Variants in ITGAM observed in about 807,000 individuals in gnomAD.
ITGAM encodes integrin subunit alpha M.
A neutral mutation model predicts 137.5 loss-of-function variants in ITGAM; 79 were observed. The ratio of observed to expected loss-of-function variants is 0.57; its 90% CI spans 0.48 to 0.69. ITGAM has a LOEUF of 0.69. ITGAM is among the 30% of genes least tolerant of loss of function. The pLI is 0.00. For missense variants in ITGAM, 1,343 were observed against 1,483.5 expected (o/e 0.91, Z 1.56); for synonymous variants, 583 against 592.3 (o/e 0.98, Z 0.23).
rs2079832523 is a variant in ITGAM, at chr16:31,270,949, C to T, written c.428-5C>T. The T allele has an allele frequency of 1.3e-6, 2 of 1,501,484 alleles. No homozygotes were observed. Among genetic ancestry groups the T allele is most frequent in the Non-Finnish European group, 1.8e-6 (2 of 1,114,848 alleles). The allele number at this position is 1,501,484 out of a possible 1,614,324, so 93.0% of individuals were successfully genotyped here. On this transcript the variant is annotated splice_region_variant and splice_polypyrimidine_tract_variant and intron_variant, in intron 5 of 29. Coordinates refer to ENST00000544665, the MANE Select transcript of ITGAM (RefSeq NM_000632.4). ...CTTGATTCATACTCTTTTCCCCTTC[C>T]CCAGGGTGTCCTCAAGAGGATAGTG...
In ITGAM at chr16:31,265,815, C is replaced by T. The variant is rs375766395; in HGVS notation, c.243C>T (p.Pro81=). ...TGCCCATATCTGTCCCCGCAGTCCC[C>T]GTGGAGGCCGTGAACATGTCCCTGG... is the stretch of plus-strand genomic sequence containing the variant. ...GSCEPIRLQV[P]VEAVNMSLGL... The change falls in exon 4 of 30, where the codon CCC becomes CCT. Residue 81 remains proline, a synonymous_variant. Transcript: ENST00000544665. The T allele has an allele frequency of 8.1e-6, 13 of 1,613,742 alleles. No homozygotes were observed. Among genetic ancestry groups the T allele is most frequent in the East Asian group, 4.5e-5 (2 of 44,860 alleles).
intron 6 of ITGAM, among the ~76,000 whole-genome samples, chr16:31,271,482 A>C (rs939275727): frequency 6.6e-6 from 1 of 152,172 alleles, no homozygotes. Context: ...CCTCCCGAGT[A>C]GCGGGGATTA....
chr16:31,282,206 G>T (rs1236655764), intron 12 of ITGAM, among the ~76,000 whole-genome samples: 1 of 152,188 alleles, frequency 6.6e-6, no homozygotes, highest in Non-Finnish European at 1.5e-5. Flanking sequence ...TTGATTTGGG[G>T]TGGAGAGTTT....
rs1262100829 is a variant in ITGAM at position 31,330,082 on chromosome 16, A to C, written c.2978A>C (p.Asn993Thr). 10 of 1,612,828 alleles carry C rather than the reference A, an allele frequency of 6.2e-6. No individual in the cohort carries two copies. The highest frequency in any genetic ancestry group is 8.5e-6 in the Non-Finnish European group (10 of 1,179,502). Residue 993 changes from asparagine to threonine, a missense_variant and splice_region_variant, in exon 26 of 30, where the codon AAC (asparagine) becomes ACC (threonine). Asn to Thr is a moderately conservative substitution (Grantham distance 65). Transcript: ENST00000544665. ...TTCTCAGTGCGTCTCTTTCCTCAGAACCTCTCGAGTACGTGCCACACCAAG... is the reference window on the plus strand; with the variant it reads ...TTCTCAGTGCGTCTCTTTCCTCAGACCCTCTCGAGTACGTGCCACACCAAG... ...WDRPQVTFSE[N>T]LSSTCHTKER...
chr16:31,331,701 C>A lies in ITGAM; in HGVS notation c.3453C>A (p.Pro1151=). 6.2e-7 allele frequency: 1 copy of A among 1,603,354 alleles called. No homozygotes were observed. Among genetic ancestry groups the A allele is most frequent in the East Asian group, 2.2e-5 (1 of 44,568 alleles). The part of the protein sequence containing the change: ...MSEGGPPGAE[P]Q ...AAGGGGGTCCCCCGGGGGCCGAACC[C>A]CAGTAGCGGCTCCTTCCCGACAGAG... The change falls in exon 30 of 30, where the codon CCC becomes CCA. Residue 1151 remains proline, a synonymous_variant. Coordinates refer to ENST00000544665, the MANE Select transcript of ITGAM (RefSeq NM_000632.4).
chr16:31,301,408 G>A (rs1019803246), intron 14 of ITGAM, among the ~76,000 whole-genome samples: 1 of 152,094 alleles, frequency 6.6e-6, no homozygotes, highest in African/African-American at 2.4e-5. Flanking sequence ...TCTGTATTCT[G>A]TTCCATTTGT....
In ITGAM at chr16:31,276,722, G is replaced by C. The variant is rs1270234039; in HGVS notation, c.1061G>C (p.Gly354Ala). 1 of 1,611,772 alleles carries C rather than the reference G, an allele frequency of 6.2e-7. No homozygotes were observed. ...SSFEHEMSQEGFSAAITSNGP... is the reference protein window; with the variant it reads ...SSFEHEMSQEAFSAAITSNGP... ...TTTGAGCATGAGATGTCTCAGGAAG[G>C]CTTCAGCGCTGCCATCACCTCTGTA... is the stretch of plus-strand genomic sequence containing the variant. The change falls in exon 10 of 30, where the codon GGC (glycine) becomes GCC (alanine). Residue 354 changes from glycine to alanine, a missense_variant. By Grantham distance (60) the Gly-to-Ala change is moderately conservative. Transcript: ENST00000544665.
intron 5 of ITGAM, among the ~76,000 whole-genome samples, chr16:31,269,122 T>G: frequency 6.6e-6 from 1 of 152,128 alleles, no homozygotes; most frequent in East Asian, 1.9e-4. Context: ...TGATCAGGGA[T>G]GAAATCATCG....
intron 5 of ITGAM, 70 bp from the exon 6 acceptor site, chr16:31,270,884 C>T: frequency 8.9e-7 from 1 of 1,129,262 alleles, no homozygotes; most frequent in South Asian, 2.7e-5. Context: ...CAGCAGAGGG[C>T]TGACATGCAA....
chr16:31,319,835 C>T (rs1304772680), intron 14 of ITGAM, among the ~76,000 whole-genome samples: 6 of 148,310 alleles, frequency 4.0e-5, no homozygotes, highest in African/African-American at 7.7e-5. Flanking sequence ...TTTTTTGAGA[C>T]GGAATCTCAT....
In ITGAM at chr16:31,331,184, CGTTCG is replaced by C; in HGVS notation, c.3297_3301del (p.Phe1100GlyfsTer42). ...CCCCAGACGGAGACCAAAGTGGAGCCGTTCGAGGTCCCCAACCCCCTGCCGCTCAT... is the reference window on the plus strand; with the variant it reads ...CCCCAGACGGAGACCAAAGTGGAGCCAGGTCCCCAACCCCCTGCCGCTCAT... On this transcript the variant is annotated frameshift_variant, in exon 29 of 30. Transcript: ENST00000544665. LOFTEE classifies it high-confidence loss of function. 1.2e-6 allele frequency: 2 copies of C among 1,611,220 alleles called. No individual in the cohort carries two copies. Among genetic ancestry groups the C allele is most frequent in the Non-Finnish European group, 1.7e-6 (2 of 1,177,770 alleles).
At chr16:31,275,522 G>A (rs2079896698) in intron 8 of ITGAM, 27 bp from the exon 9 acceptor site, 10 of 1,612,140 alleles carry the variant, frequency 6.2e-6, no homozygotes, top group Non-Finnish European at 6.8e-6. Context: ...CTCACACCAT[G>A]ATTTAGCCTC....
At position 31,270,967 on chromosome 16, in the gene ITGAM, G is replaced by C. The variant is rs753997416; in HGVS notation, c.441G>C (p.Glu147Asp). 1 of 1,570,756 alleles carries C rather than the reference G, an allele frequency of 6.4e-7. No homozygotes were observed. Among genetic ancestry groups the C allele is most frequent in the East Asian group, 2.3e-5 (1 of 42,984 alleles). ...CCCCTTCCCCAGGGTGTCCTCAAGA[G>C]GATAGTGACATTGCCTTCTTGATTG... ...FPEALRGCPQ[E>D]DSDIAFLIDG... is the part of the protein sequence containing the mutation. Residue 147 changes from glutamate to aspartate, a missense_variant, in exon 6 of 30, where the codon GAG becomes GAC. Transcript: ENST00000544665.
intron 14 of ITGAM, among the ~76,000 whole-genome samples, chr16:31,309,771 G>GT (rs1405165874): frequency 6.6e-6 from 1 of 152,176 alleles, no homozygotes; most frequent in Non-Finnish European, 1.5e-5. Flanking sequence ...AGTTTGGCAT[G>GT]TTTTTGCAGT....
intron 7 of ITGAM, among the ~76,000 whole-genome samples, chr16:31,272,464 T>TA (rs1398893791): frequency 1.4e-3 from 13 of 9,018 alleles, no homozygotes; most frequent in East Asian, 9.4e-3. Flanking sequence ...TATATATATA[T>TA]TTTTTTTTTT....
chr16:31,282,566 G>T (rs1029169975), intron 12 of ITGAM, among the ~76,000 whole-genome samples: 18 of 152,078 alleles, frequency 1.2e-4, no homozygotes, highest in African/African-American at 4.1e-4. Flanking sequence ...TTTTCCATTT[G>T]CTTGGTAGAT....
rs1266897425 is a variant in ITGAM, at chr16:31,265,466, G to T, written c.206G>T (p.Ser69Ile). The T allele has an allele frequency of 5.0e-6, 8 of 1,605,912 alleles. No homozygotes were observed. Among genetic ancestry groups the T allele is most frequent in the Non-Finnish European group, 6.8e-6 (8 of 1,176,436 alleles). ...QRGSLYQCDY[S>I]TGSCEPIRLQ... ...GGCAGCCTCTACCAGTGCGACTACA[G>T]CACAGGCTCATGCGAGCCCATCCGC... Residue 69 changes from serine (S) to isoleucine (I), a missense_variant, in exon 3 of 30, where the codon AGC (serine) becomes ATC (isoleucine). Physicochemically the swap from Ser to Ile is moderately radical, Grantham distance 142. Transcript: ENST00000544665.
chr16:31,262,263 TTTCCTTCC>T (rs1229025438), intron 2 of ITGAM, among the ~76,000 whole-genome samples: 1 of 144,504 alleles, frequency 6.9e-6, no homozygotes, highest in Non-Finnish European at 1.5e-5. Flanking sequence ...TCCTTCCTTC[TTTCCTTCC>T]TTCCTTCCTC....
chr16:31,304,878 G>A (rs1567269556), intron 14 of ITGAM, among the ~76,000 whole-genome samples: 1 of 152,084 alleles, frequency 6.6e-6, no homozygotes, highest in Non-Finnish European at 1.5e-5. Context: ...AGTATAATTT[G>A]AAGTCTGGTA....
Sources: gnomAD v4.1 joint callset for allele counts (sites outside exome capture counted in the v4.1 genomes callset) on GRCh38, gnomAD v4.1.1 for gene constraint, MANE v1.5 for transcripts, NCBI Gene and HGNC (gene_info 2026-07-23, HGNC 2026-07-21) for gene names.